BID: variants seen among roughly 807,000 people sequenced by gnomAD.
BID encodes the protein BH3-interacting domain death agonist.
BID carries 19 observed loss-of-function variants against 17.4 expected under a neutral mutation model. That is an observed-to-expected ratio of 1.09 (90% CI 0.76 to 1.60). The LOEUF (loss-of-function observed/expected upper bound fraction) is 1.60. Among genes scored for constraint, BID ranks in the 40% most tolerant of loss-of-function variants. The pLI is 0.00. For synonymous variants in BID, 108 were observed against 102.8 expected, an observed-to-expected ratio of 1.05 and a Z score of -0.31; for missense variants, 226 against 256.0, an observed-to-expected ratio of 0.88 and a Z score of 0.80.
intron 3 of BID, among the ~76,000 whole-genome samples, chr22:17,741,469 CTTTT>C (rs3831843): frequency 1.4e-5 from 2 of 147,706 alleles, no homozygotes; most frequent in Non-Finnish European, 3.0e-5. Context: ...CTCACTGTAG[CTTTT>C]TTTTTTCTTT....
At chr22:17,739,942 GT>G in intron 3 of BID, 6 of 878,856 alleles carry the variant, frequency 6.8e-6, no homozygotes, top group Non-Finnish European at 1.1e-5. Context: ...TCGCAGTCCC[GT>G]CTCAGGAAAA....
intron 1 of BID, among the ~76,000 whole-genome samples, chr22:17,763,365 T>C (rs979059988): frequency 7.2e-5 from 11 of 152,060 alleles, no homozygotes; most frequent in Non-Finnish European, 4.4e-5. Context: ...TGCCTCAGCC[T>C]CCCAAGTAGC....
At chr22:17,736,625 G>C (rs1378877682) in intron 5 of BID, among the ~76,000 whole-genome samples, 1 of 152,132 alleles carries the variant, frequency 6.6e-6, no homozygotes, top group Non-Finnish European at 1.5e-5. Context: ...TGTGAACACT[G>C]TATGTTTGTT....
chr22:17,757,716 A>T (rs2061604251), intron 1 of BID, among the ~76,000 whole-genome samples: 1 of 151,890 alleles, frequency 6.6e-6, no homozygotes, highest in South Asian at 2.1e-4. Flanking sequence ...CTCAAAAAAA[A>T]AAAAAAAAGA....
intron 1 of BID, among the ~76,000 whole-genome samples, chr22:17,768,955 T>C (rs938998170): frequency 1.4e-5 from 2 of 145,376 alleles, no homozygotes; most frequent in Non-Finnish European, 3.0e-5. Context: ...GACAGGAGAA[T>C]GGCGTGAACC....
intron 1 of BID, among the ~76,000 whole-genome samples, chr22:17,758,746 G>A (rs1300966699): frequency 1.3e-5 from 2 of 152,192 alleles, no homozygotes; most frequent in East Asian, 3.8e-4. Context: ...CAAGGGCTGG[G>A]GGTGGCAAGT....
chr22:17,736,575 A>G (rs142368306), intron 5 of BID, among the ~76,000 whole-genome samples: 5 of 152,276 alleles, frequency 3.3e-5, no homozygotes, highest in Non-Finnish European at 5.9e-5. Context: ...ATTTTGCTAC[A>G]TGGGGGCAGC....
chr22:17,754,943 T>G (rs529179079), intron 1 of BID, among the ~76,000 whole-genome samples: 3 of 151,994 alleles, frequency 2.0e-5, no homozygotes, highest in African/African-American at 7.2e-5. Context: ...TTTTGTATTT[T>G]TAGTAGAGAC....
At chr22:17,772,069 C>T (rs899932270) in intron 1 of BID, among the ~76,000 whole-genome samples, 1 of 152,244 alleles carries the variant, frequency 6.6e-6, no homozygotes, top group Non-Finnish European at 1.5e-5. Flanking sequence ...CTTAGCCTCT[C>T]CTTGCCTCAG....
At chr22:17,756,408 TTCTC>T (rs1452491155) in intron 1 of BID, among the ~76,000 whole-genome samples, 1 of 21,610 alleles carries the variant, frequency 4.6e-5, no homozygotes, top group African/African-American at 1.2e-4. Context: ...CTTTTCTTTT[TTCTC>T]TTTCTTTCTT....
intron 3 of BID, chr22:17,740,682 C>T (rs1195787552): frequency 6.2e-6 from 1 of 162,126 alleles, no homozygotes; most frequent in Non-Finnish European, 1.4e-5. Flanking sequence ...CTGCCTTGGC[C>T]TCCCAAAGTG....
chr22:17,757,779 G>A (rs2061605029), intron 1 of BID, among the ~76,000 whole-genome samples: 3 of 152,046 alleles, frequency 2.0e-5, no homozygotes. Flanking sequence ...TGCGAGTGAA[G>A]CCCACCCAAA....
rs8190338 is a variant in BID at position 17,737,845 on chromosome 22, G to A, written c.576+172C>T. Among the ~76,000 whole-genome samples the A allele has an allele frequency of 4.5e-3, 678 of 152,234 alleles. 7 individuals are homozygous for A. Among genetic ancestry groups the A allele is most frequent in the African/African-American group, 0.015 (636 of 41,536 alleles). On this transcript the variant is annotated intron_variant, in intron 5 of 5. Transcript: ENST00000622694. ...CTCCAAAGGACTCTGGGTGCTCTTC[G>A]TCACCTTTACACACAGCTTTCTAGC...
At chr22:17,739,919 G>A in intron 3 of BID, 1 of 741,168 alleles carries the variant, frequency 1.3e-6, no homozygotes. Flanking sequence ...TCAAGCCTGA[G>A]AGCCCCCATT....
intron 1 of BID, among the ~76,000 whole-genome samples, chr22:17,764,550 G>A (rs1250342082): frequency 6.6e-6 from 1 of 152,246 alleles, no homozygotes; most frequent in Non-Finnish European, 1.5e-5. Flanking sequence ...ATCGGATGAA[G>A]CTTTAAGGAT....
intron 3 of BID, 39 bp downstream of exon 3, chr22:17,743,764 A>G (rs563580878): frequency 2.5e-6 from 4 of 1,570,662 alleles, no homozygotes; most frequent in East Asian, 2.3e-5. Context: ...GCGACAGAGA[A>G]GCCCAGCTTT....
chr22:17,751,160 C>G (rs972562580), intron 1 of BID, among the ~76,000 whole-genome samples: 2 of 151,928 alleles, frequency 1.3e-5, no homozygotes, highest in African/African-American at 2.4e-5. Flanking sequence ...ATCATGAGGT[C>G]AGGAGATCGA....
At chr22:17,758,657 CA>C (rs1445906670) in intron 1 of BID, among the ~76,000 whole-genome samples, 1 of 152,164 alleles carries the variant, frequency 6.6e-6, no homozygotes, top group African/African-American at 2.4e-5. Flanking sequence ...CATGAAAGGA[CA>C]AATACATGTG....
At chr22:17,766,981 T>C (rs907458205) in intron 1 of BID, among the ~76,000 whole-genome samples, 1 of 152,022 alleles carries the variant, frequency 6.6e-6, no homozygotes, top group African/African-American at 2.4e-5. Context: ...CCCAGCACTC[T>C]GGGAGGCCAA....
Sources: gnomAD v4.1 joint callset for allele counts (sites outside exome capture counted in the v4.1 genomes callset) on GRCh38, gnomAD v4.1.1 for gene constraint, MANE v1.5 for transcripts, NCBI Gene and HGNC (gene_info 2026-07-23, HGNC 2026-07-21) for gene names.